Variants in GLYATL2 observed in about 807,000 individuals in gnomAD.
GLYATL2 encodes the protein glycine N-acyltransferase-like protein 2.
GLYATL2 carries 25 observed loss-of-function variants against 21.4 expected under a neutral mutation model. The observed-to-expected ratio is 1.17, with a 90% confidence interval of 0.85 to 1.63. GLYATL2 has a LOEUF of 1.63. GLYATL2 is among the 40% of genes most tolerant of loss of function. GLYATL2 has a pLI of 0.00. For missense variants in GLYATL2, 361 were observed against 343.3 expected (o/e 1.05, Z -0.41); for synonymous variants, 114 against 118.2 (o/e 0.96, Z 0.23).
chr11:58,863,112 A>C (rs1853961119), intron 1 of GLYATL2, among the ~76,000 whole-genome samples: 1 of 87,736 alleles, frequency 1.1e-5, no homozygotes, highest in Admixed American at 1.4e-4. Flanking sequence ...TAAATCCTGG[A>C]TCCACTGGGT....
intron 2 of GLYATL2, among the ~76,000 whole-genome samples, chr11:58,839,280 G>A (rs1322706864): frequency 6.6e-6 from 1 of 152,128 alleles, no homozygotes; most frequent in Non-Finnish European, 1.5e-5. Flanking sequence ...TTGGAGACAA[G>A]GAGGTATTGC....
At chr11:58,900,796 T>TA (rs1466080110) in intron 1 of GLYATL2, among the ~76,000 whole-genome samples, 1 of 151,880 alleles carries the variant, frequency 6.6e-6, no homozygotes, top group Non-Finnish European at 1.5e-5. Flanking sequence ...ATGGGAAGCT[T>TA]GGGGGGGTGG....
Position 58,844,523 on chromosome 11 carries a change from G to A in GLYATL2, c.-130C>T, listed in dbSNP as rs1311876999. ...AGGTTTCTGTAGCTAATACTCTACG[G>A]ACTGAAACACAATAAAATTCAACTG... On this transcript the variant is annotated 5_prime_UTR_variant, in exon 1 of 6. Coordinates refer to ENST00000287275, the MANE Select transcript of GLYATL2 (RefSeq NM_145016.4). 2 of 152,134 alleles carry A rather than the reference G, an allele frequency of 1.3e-5. No individual in the cohort carries two copies. The highest frequency in any genetic ancestry group is 1.3e-4 in the Admixed American group (2 of 15,268). 9.4% of individuals were successfully genotyped at this position (152,134 alleles called of 1,614,324 possible). A position where few individuals can be genotyped will look rare whatever the true frequency, so the allele number is the denominator to read the frequency against.
At chr11:58,895,303 T>C (rs959836194) in intron 1 of GLYATL2, among the ~76,000 whole-genome samples, 1 of 152,164 alleles carries the variant, frequency 6.6e-6, no homozygotes, top group African/African-American at 2.4e-5. Context: ...ACAATACAAA[T>C]GAATGGGGTA....
At chr11:58,835,913 C>T (rs1286280745) in intron 5 of GLYATL2, among the ~76,000 whole-genome samples, 1 of 152,160 alleles carries the variant, frequency 6.6e-6, no homozygotes, top group Admixed American at 6.5e-5. Context: ...CATATGAACA[C>T]TGGTGGGGCA....
At position 58,834,294 on chromosome 11, in the gene GLYATL2, G is replaced by A. The variant is rs1384241534; in HGVS notation, c.*135C>T. 14 of 641,776 alleles carry A rather than the reference G, an allele frequency of 2.2e-5. No individual in the cohort carries two copies. The highest frequency in any genetic ancestry group is 3.0e-5 in the Non-Finnish European group (12 of 399,214). The allele number at this position is 641,776 out of a possible 1,614,324, so 39.8% of individuals were successfully genotyped here. On this transcript the variant is annotated 3_prime_UTR_variant, in exon 6 of 6. Transcript: ENST00000287275. ...TACAGAGGAGAAGGAAGGTAAAACT[G>A]TTAAGGGTGAGCTTAAGTAATACAC...
chr11:58,907,139 A>T, upstream of GLYATL2: 1 of 370,908 alleles, frequency 2.7e-6, no homozygotes, highest in East Asian at 7.3e-5. Context: ...GGCCTTGGAA[A>T]GTTTTCTCAG....
chr11:58,845,206 G>A (rs1294026496), upstream of GLYATL2, among the ~76,000 whole-genome samples: 3 of 152,174 alleles, frequency 2.0e-5, no homozygotes, highest in Non-Finnish European at 2.9e-5. Context: ...GAGGCTCCCA[G>A]AGTGCCTGGC....
chr11:58,901,059 G>A (rs1010180999), intron 1 of GLYATL2, among the ~76,000 whole-genome samples: 16 of 152,236 alleles, frequency 1.1e-4, no homozygotes, highest in Non-Finnish European at 5.9e-5. Context: ...AGGGCTGAGT[G>A]AGGTATTTAA....
At chr11:58,902,229 A>G (rs1385686793) in intron 1 of GLYATL2, among the ~76,000 whole-genome samples, 1 of 152,146 alleles carries the variant, frequency 6.6e-6, no homozygotes, top group Admixed American at 6.5e-5. Context: ...AGGACAGGAA[A>G]AAAACCATCT....
intron 1 of GLYATL2, among the ~76,000 whole-genome samples, chr11:58,861,128 C>A (rs1375178910): frequency 1.3e-5 from 2 of 151,960 alleles, no homozygotes; most frequent in African/African-American, 4.8e-5. Context: ...GAAGTATTCC[C>A]TCTTGTTCGA....
chr11:58,870,697 G>C (rs1854102360), intron 1 of GLYATL2, among the ~76,000 whole-genome samples: 1 of 152,180 alleles, frequency 6.6e-6, no homozygotes, highest in African/African-American at 2.4e-5. Flanking sequence ...CGATTTACTT[G>C]TTTCTGTCAG....
At chr11:58,882,290 G>A (rs1398940051) in intron 1 of GLYATL2, among the ~76,000 whole-genome samples, 1 of 152,162 alleles carries the variant, frequency 6.6e-6, no homozygotes, top group Non-Finnish European at 1.5e-5. Flanking sequence ...GTGTGAGATG[G>A]TATCTCGTTG....
rs1853381343 is a variant in GLYATL2 at position 58,834,154 on chromosome 11, C to T, written c.*275G>A. On this transcript the variant is annotated 3_prime_UTR_variant, in exon 6 of 6. Coordinates refer to ENST00000287275, the MANE Select transcript of GLYATL2 (RefSeq NM_145016.4). ...TAGTCTTCATTTAAGAAAGTGTTGC[C>T]GTTAAAGGGTTATCTTGGCACTAAT... is the stretch of plus-strand genomic sequence containing the variant. 3 of 275,206 alleles carry T rather than the reference C, an allele frequency of 1.1e-5. No homozygotes were observed. Among genetic ancestry groups the T allele is most frequent in the Non-Finnish European group, 1.3e-5 (2 of 148,734 alleles). 17.0% of individuals were successfully genotyped at this position (275,206 alleles called of 1,614,324 possible). A position where few individuals can be genotyped will look rare whatever the true frequency, so the allele number is the denominator to read the frequency against.
chr11:58,874,624 T>C (rs895558640), intron 1 of GLYATL2, among the ~76,000 whole-genome samples: 1 of 152,248 alleles, frequency 6.6e-6, no homozygotes, highest in African/African-American at 2.4e-5. Context: ...AATCCTGAGT[T>C]CTAGTTTGAT....
intron 1 of GLYATL2, among the ~76,000 whole-genome samples, chr11:58,850,353 A>G (rs949842864): frequency 1.3e-5 from 2 of 152,106 alleles, no homozygotes; most frequent in Admixed American, 1.3e-4. Flanking sequence ...GAGGCAAGAG[A>G]CCGAGGGCAC....
At chr11:58,885,565 T>G (rs565359627) in intron 1 of GLYATL2, 7 of 413,734 alleles carry the variant, frequency 1.7e-5, no homozygotes, top group Admixed American at 1.6e-4. Flanking sequence ...CAGGGACTAG[T>G]GGAGCCAGGC....
At chr11:58,907,042 A>G (rs1474742957), upstream of GLYATL2, among the ~76,000 whole-genome samples, 1 of 152,140 alleles carries the variant, frequency 6.6e-6, no homozygotes. Flanking sequence ...TTAATTTAGA[A>G]ATGAGGAAAT....
At chr11:58,908,782 G>T (rs1378157988), upstream of GLYATL2, among the ~76,000 whole-genome samples, 1 of 152,110 alleles carries the variant, frequency 6.6e-6, no homozygotes, top group African/African-American at 2.4e-5. Context: ...AAACAATATG[G>T]ACACTTAAAA....
Sources: gnomAD v4.1 joint callset for allele counts (sites outside exome capture counted in the v4.1 genomes callset) on GRCh38, gnomAD v4.1.1 for gene constraint, MANE v1.5 for transcripts, NCBI Gene and HGNC (gene_info 2026-07-23, HGNC 2026-07-21) for gene names.